PDILT: variants seen among roughly 807,000 people sequenced by gnomAD.
PDILT encodes protein disulfide-isomerase-like protein of the testis.
A neutral mutation model predicts 53.7 loss-of-function variants in PDILT; 43 were observed. The ratio of observed to expected loss-of-function variants is 0.80; its 90% CI spans 0.63 to 1.03. The LOEUF (loss-of-function observed/expected upper bound fraction) is 1.03, where lower values mean the gene tolerates loss of function less well. Among genes scored for constraint, PDILT ranks in the 50% least tolerant of loss-of-function variants. PDILT has a pLI of 0.00. For synonymous variants in PDILT, 282 were observed against 274.2 expected, an observed-to-expected ratio of 1.03 and a Z score of -0.28; for missense variants, 727 against 712.3, an observed-to-expected ratio of 1.02 and a Z score of -0.24.
intron 3 of PDILT, among the ~76,000 whole-genome samples, chr16:20,378,437 TCTC>T (rs1345702895): frequency 1.3e-5 from 2 of 152,022 alleles, no homozygotes; most frequent in African/African-American, 4.8e-5. Flanking sequence ...TTCCTCTTCT[TCTC>T]CTTCTTCTTC....
chr16:20,394,046 A>T (rs1966634970), intron 2 of PDILT, among the ~76,000 whole-genome samples: 1 of 152,166 alleles, frequency 6.6e-6, no homozygotes, highest in Non-Finnish European at 1.5e-5. Context: ...CATAGAAAAG[A>T]ACTGTGAAAA....
intron 2 of PDILT, among the ~76,000 whole-genome samples, chr16:20,385,116 A>G (rs187447329): frequency 6.6e-6 from 1 of 152,314 alleles, no homozygotes; most frequent in Admixed American, 6.5e-5. Flanking sequence ...TCTGAGCTCC[A>G]CTTCTCTTGT....
At chr16:20,387,577 A>C (rs1596593946) in intron 2 of PDILT, among the ~76,000 whole-genome samples, 1 of 151,960 alleles carries the variant, frequency 6.6e-6, no homozygotes, top group East Asian at 1.9e-4. Context: ...GAGGGTTTGG[A>C]GCAGAGGTGG....
intron 7 of PDILT, among the ~76,000 whole-genome samples, chr16:20,372,564 A>T (rs941434047): frequency 6.6e-6 from 1 of 152,236 alleles, no homozygotes; most frequent in African/African-American, 2.4e-5. Context: ...AAGAGTGAAG[A>T]AGTGTAGATT....
intron 8 of PDILT, among the ~76,000 whole-genome samples, chr16:20,367,461 G>A (rs1966229998): frequency 6.6e-6 from 1 of 152,156 alleles, no homozygotes. Context: ...ATAGAAAATG[G>A]TGACAATTGT....
chr16:20,376,269 T>C, intron 3 of PDILT, 68 bp from the exon 4 acceptor site: 2 of 1,578,954 alleles, frequency 1.3e-6, no homozygotes, highest in South Asian at 1.2e-5. Flanking sequence ...GAAGCTGGTC[T>C]TTCTCAAGTT....
chr16:20,369,482 A>G lies in PDILT; in HGVS notation c.1116+10T>C, dbSNP rs761788827. The stretch of plus-strand genomic sequence containing the variant: ...GGTTCTGGATAAACCTTGTCCAAGA[A>G]AAAACCTACTGTGGCATTTTTACTC... On this transcript the variant is annotated intron_variant, in intron 8 of 11. Transcript: ENST00000302451. The G allele has an allele frequency of 3.7e-6, 6 of 1,612,052 alleles. No homozygotes were observed. The Admixed American group carries it at 6.7e-5, about 18-fold the overall frequency.
At chr16:20,366,744 C>T (rs754497172) in intron 8 of PDILT, among the ~76,000 whole-genome samples, 4 of 152,290 alleles carry the variant, frequency 2.6e-5, no homozygotes, top group African/African-American at 4.8e-5. Context: ...GAATCCACAT[C>T]ATTTTCTCCA....
intron 1 of PDILT, among the ~76,000 whole-genome samples, chr16:20,401,033 A>G (rs1732588307): frequency 2.0e-5 from 3 of 152,248 alleles, no homozygotes; most frequent in South Asian, 4.1e-4. Flanking sequence ...TCTATCATTC[A>G]GTTTGTAGCT....
At chr16:20,378,837 T>C (rs79970117) in intron 3 of PDILT, among the ~76,000 whole-genome samples, 1,828 of 152,320 alleles carry the variant, frequency 0.012, 33 homozygotes, top group African/African-American at 0.042. Context: ...TTGTAACAGA[T>C]TACATTAGTC....
At chr16:20,378,616 C>T (rs750525614) in intron 3 of PDILT, among the ~76,000 whole-genome samples, 1 of 152,126 alleles carries the variant, frequency 6.6e-6, no homozygotes, top group Admixed American at 6.6e-5. Context: ...CCCTCGCCCT[C>T]CACTCCCAGA....
At chr16:20,386,413 C>T (rs1445145075) in intron 2 of PDILT, among the ~76,000 whole-genome samples, 3 of 152,190 alleles carry the variant, frequency 2.0e-5, no homozygotes, top group African/African-American at 7.2e-5. Flanking sequence ...CTGCCGCCCA[C>T]CCCCGTGGTC....
intron 9 of PDILT, among the ~76,000 whole-genome samples, chr16:20,364,592 C>T (rs1966163178): frequency 6.6e-6 from 1 of 152,164 alleles, no homozygotes; most frequent in Non-Finnish European, 1.5e-5. Flanking sequence ...TGTAAGGGCT[C>T]ATTAAATGTT....
chr16:20,359,647 C>A (rs1050245050), intron 11 of PDILT, 80 bp from the exon 12 acceptor site: 7 of 1,403,668 alleles, frequency 5.0e-6, no homozygotes, highest in Non-Finnish European at 6.9e-6. Flanking sequence ...AATATGTCAT[C>A]ATTGTGGTTG....
chr16:20,369,716 T>C, intron 7 of PDILT, 27 bp from the exon 8 acceptor site: 2 of 1,611,492 alleles, frequency 1.2e-6, no homozygotes, highest in Non-Finnish European at 1.7e-6. Context: ...AACCCTTGTC[T>C]CTCTGGATCC....
rs772919553 is a variant in PDILT, at chr16:20,359,523, T to C, written c.1551A>G (p.Leu517=). 3.7e-6 allele frequency: 6 copies of C among 1,614,094 alleles called. No individual in the cohort carries two copies. In the Admixed American group the frequency reaches 1.0e-4, roughly 27 times the overall value. The change falls in exon 12 of 12, where the codon CTA becomes CTG. Residue 517 remains leucine (L), a synonymous_variant. Coordinates refer to ENST00000302451, the MANE Select transcript of PDILT (RefSeq NM_174924.2). ...EQNEVIEEEV[L]AEEKEVPMMR... The stretch of plus-strand genomic sequence containing the variant: ...TCATAGGCACCTCCTTTTCCTCAGC[T>C]AGCACTTCCTCTTCTATCACTTCAT...
intron 2 of PDILT, among the ~76,000 whole-genome samples, chr16:20,393,913 G>A (rs1319368619): frequency 1.3e-5 from 2 of 152,210 alleles, no homozygotes; most frequent in Non-Finnish European, 2.9e-5. Context: ...TGCACATTCA[G>A]TTTTAACTGT....
chr16:20,399,336 C>T, intron 1 of PDILT, 29 bp from the exon 2 acceptor site: 1 of 1,607,598 alleles, frequency 6.2e-7, no homozygotes. Flanking sequence ...GAACAGAGAC[C>T]TTATCAACAC....
intron 5 of PDILT, 70 bp from the exon 6 acceptor site, chr16:20,373,192 A>T (rs974461377): frequency 3.9e-6 from 5 of 1,266,030 alleles, no homozygotes; most frequent in Non-Finnish European, 5.7e-6. Flanking sequence ...AAATATAAAT[A>T]GCACAATTTT....
Sources: gnomAD v4.1 joint callset for allele counts (sites outside exome capture counted in the v4.1 genomes callset) on GRCh38, gnomAD v4.1.1 for gene constraint, MANE v1.5 for transcripts, NCBI Gene and HGNC (gene_info 2026-07-23, HGNC 2026-07-21) for gene names.